Variants in ROBO1 observed in about 807,000 individuals in gnomAD.
ROBO1 encodes roundabout guidance receptor 1, also known as roundabout homolog 1.
Under a neutral mutation model 195.9 loss-of-function variants are expected in ROBO1, and 149 were observed. That is an observed-to-expected ratio of 0.76 (90% CI 0.67 to 0.87). The LOEUF (loss-of-function observed/expected upper bound fraction) is 0.87, where lower values mean the gene tolerates loss of function less well. Among genes scored for constraint, ROBO1 ranks in the 40% least tolerant of loss-of-function variants. The pLI is 0.00. For synonymous variants in ROBO1, 816 were observed against 733.2 expected, an observed-to-expected ratio of 1.11 and a Z score of -1.82; for missense variants, 1,933 against 2,068.3, an observed-to-expected ratio of 0.93 and a Z score of 1.27.
chr3:79,065,236 T>G (rs2078985175), intron 3 of ROBO1, among the ~76,000 whole-genome samples: 6 of 151,952 alleles, frequency 3.9e-5, no homozygotes, highest in African/African-American at 1.2e-4. Flanking sequence ...CAACTGTGTG[T>G]GGGTACAAAG....
intron 5 of ROBO1, among the ~76,000 whole-genome samples, chr3:78,722,412 A>C (rs1576021556): frequency 6.6e-6 from 1 of 152,300 alleles, no homozygotes; most frequent in Middle Eastern, 3.4e-3. Context: ...TTAGTAACAT[A>C]ATATGACTAA....
Position 78,639,833 on chromosome 3 carries a change from G to C in ROBO1, c.2948C>G (p.Thr983Ser). 1 of 1,613,354 alleles carries C rather than the reference G, an allele frequency of 6.2e-7. No individual in the cohort carries two copies. The highest frequency in any genetic ancestry group is 8.5e-7 in the Non-Finnish European group (1 of 1,179,584). ...QPWLADTWPN[T>S]GNNHNDCSIS... ...GGAGCAGTCATTGTGGTTGTTGCCA[G>C]TATTAGGCCACGTGTCTGCCAGCCA... Residue 983 changes from threonine to serine, a missense_variant, in exon 22 of 31, where the codon ACT (threonine) becomes AGT (serine). This residue lies in a region of ROBO1 where 1,737 missense variants were observed against 1,882.5 expected (regional missense o/e 0.92). Transcript: ENST00000464233.
chr3:79,709,715 A>C (rs1702199423), intron 1 of ROBO1, among the ~76,000 whole-genome samples: 1 of 151,084 alleles, frequency 6.6e-6, no homozygotes, highest in Non-Finnish European at 1.5e-5. Context: ...GCCTGCCCCA[A>C]ATTCAAATGT....
At chr3:79,639,873 A>C (rs886860224) in intron 1 of ROBO1, among the ~76,000 whole-genome samples, 1 of 152,214 alleles carries the variant, frequency 6.6e-6, no homozygotes, top group Non-Finnish European at 1.5e-5. Flanking sequence ...CCCTTTTTAT[A>C]GCATTGTCAC....
intron 1 of ROBO1, among the ~76,000 whole-genome samples, chr3:79,640,310 A>G (rs1945618987): frequency 1.8e-5 from 1 of 57,108 alleles, no homozygotes; most frequent in Non-Finnish European, 3.6e-5. Flanking sequence ...TTAATTTTTA[A>G]AAATTAAAAA....
In ROBO1 at chr3:79,184,150, G is replaced by T. The variant is rs949779014; in HGVS notation, c.89-58611C>A. Among the ~76,000 whole-genome samples the T allele has an allele frequency of 4.6e-5, 7 of 152,192 alleles. No homozygotes were observed. The East Asian group carries it at 1.3e-3, about 29-fold the overall frequency. On this transcript the variant is annotated intron_variant, in intron 2 of 30. Transcript: ENST00000464233. ...ATAAAAGTAAAAGTATCGGCAGGAT[G>T]CAGTGAACAGAGTAAACATATGACT...
chr3:79,345,587 C>T (rs1304419850), intron 2 of ROBO1, among the ~76,000 whole-genome samples: 1 of 152,106 alleles, frequency 6.6e-6, no homozygotes, highest in African/African-American at 2.4e-5. Context: ...AACTGTCCCT[C>T]AGGCACACAA....
At chr3:79,395,197 C>T (rs901562708) in intron 2 of ROBO1, among the ~76,000 whole-genome samples, 103 of 151,510 alleles carry the variant, frequency 6.8e-4, no homozygotes, top group African/African-American at 2.4e-3. Flanking sequence ...GTGGCGGCAC[C>T]TGTGGTCCCA....
At chr3:78,982,312 G>C (rs1040106262) in intron 3 of ROBO1, among the ~76,000 whole-genome samples, 5 of 152,012 alleles carry the variant, frequency 3.3e-5, no homozygotes, top group African/African-American at 1.2e-4. Context: ...TGATTTTCCC[G>C]CCTGCATATT....
At chr3:78,864,737 T>C (rs1001680795) in intron 4 of ROBO1, among the ~76,000 whole-genome samples, 5 of 151,988 alleles carry the variant, frequency 3.3e-5, no homozygotes, top group Admixed American at 2.6e-4. Flanking sequence ...TATACATACA[T>C]ACACTATGTT....
intron 4 of ROBO1, among the ~76,000 whole-genome samples, chr3:78,904,716 G>A (rs1330707634): frequency 6.7e-6 from 1 of 148,902 alleles, no homozygotes; most frequent in Non-Finnish European, 1.5e-5. Context: ...ATATATATAT[G>A]TATATGTATA....
At chr3:78,712,773 G>T (rs2081796040) in intron 8 of ROBO1, among the ~76,000 whole-genome samples, 1 of 152,160 alleles carries the variant, frequency 6.6e-6, no homozygotes, top group Non-Finnish European at 1.5e-5. Context: ...AAGGCTAAAT[G>T]AATTTTGTAA....
At chr3:78,754,069 G>A (rs577123354) in intron 4 of ROBO1, among the ~76,000 whole-genome samples, 6 of 152,216 alleles carry the variant, frequency 3.9e-5, no homozygotes, top group East Asian at 1.9e-4. Flanking sequence ...TAACAGGTAC[G>A]TTCACAATGA....
chr3:79,052,480 T>C (rs1056748789), intron 3 of ROBO1, among the ~76,000 whole-genome samples: 4 of 152,092 alleles, frequency 2.6e-5, no homozygotes, highest in African/African-American at 9.7e-5. Flanking sequence ...GCCCGTGTGA[T>C]ATTTTATTGC....
At chr3:78,707,625 C>T (rs1392759109) in intron 8 of ROBO1, among the ~76,000 whole-genome samples, 1 of 152,126 alleles carries the variant, frequency 6.6e-6, no homozygotes, top group East Asian at 1.9e-4. Context: ...TGGACAAGCT[C>T]TTATGAGAGA....
chr3:79,548,466 C>T (rs897484840), intron 2 of ROBO1, among the ~76,000 whole-genome samples: 5 of 152,094 alleles, frequency 3.3e-5, no homozygotes, highest in African/African-American at 1.2e-4. Context: ...TAAAGTGGAA[C>T]CACACTGATA....
chr3:78,906,937 A>G (rs1411803948), intron 4 of ROBO1, among the ~76,000 whole-genome samples: 1 of 152,120 alleles, frequency 6.6e-6, no homozygotes, highest in Non-Finnish European at 1.5e-5. Context: ...GAGTAGACAG[A>G]TTCTTCTATC....
intron 1 of ROBO1, among the ~76,000 whole-genome samples, chr3:79,674,792 C>T (rs1946732205): frequency 6.6e-6 from 1 of 150,978 alleles, no homozygotes; most frequent in Non-Finnish European, 1.5e-5. Flanking sequence ...TTTTACCTAA[C>T]TTTGTATCTG....
chr3:79,442,441 A>G (rs1474296086), intron 2 of ROBO1, among the ~76,000 whole-genome samples: 1 of 152,142 alleles, frequency 6.6e-6, no homozygotes, highest in Non-Finnish European at 1.5e-5. Context: ...TTAGAGATTA[A>G]TGTAACTATC....
Sources: gnomAD v4.1 joint callset for allele counts (sites outside exome capture counted in the v4.1 genomes callset) on GRCh38, gnomAD v4.1.1 for gene constraint, gnomAD v4.1.1 regional missense constraint, MANE v1.5 for transcripts, NCBI Gene and HGNC (gene_info 2026-07-23, HGNC 2026-07-21) for gene names.